Variants in GRM4 observed in about 807,000 individuals in gnomAD.
The protein encoded by GRM4 is metabotropic glutamate receptor 4.
Under a neutral mutation model 81.7 loss-of-function variants are expected in GRM4, and 28 were observed. The ratio of observed to expected loss-of-function variants is 0.34; its 90% CI spans 0.25 to 0.47. The LOEUF is 0.47. GRM4 is among the 20% of genes least tolerant of loss of function. The pLI is 1.00. For synonymous variants in GRM4, 488 were observed against 528.8 expected, an observed-to-expected ratio of 0.92 and a Z score of 1.06; for missense variants, 948 against 1,290.0, an observed-to-expected ratio of 0.73 and a Z score of 4.06.
intron 8 of GRM4, among the ~76,000 whole-genome samples, chr6:34,038,107 C>T (rs1374884641): frequency 1.3e-5 from 2 of 152,200 alleles, no homozygotes; most frequent in East Asian, 3.9e-4. Context: ...AAAGACCCTT[C>T]CCCAGAGGAC....
intron 2 of GRM4, among the ~76,000 whole-genome samples, chr6:34,127,846 G>A (rs1173019677): frequency 6.6e-6 from 1 of 152,198 alleles, no homozygotes; most frequent in Non-Finnish European, 1.5e-5. Context: ...AGTTCCTCCT[G>A]GCTGTGTAGT....
intron 3 of GRM4, among the ~76,000 whole-genome samples, chr6:34,084,187 G>A (rs1561801086): frequency 6.6e-6 from 1 of 152,378 alleles, no homozygotes; most frequent in East Asian, 1.9e-4. Context: ...GAGGCGGGCT[G>A]CTGTACCCAC....
upstream of GRM4, among the ~76,000 whole-genome samples, chr6:34,150,542 C>T (rs1309797040): frequency 1.3e-5 from 2 of 152,096 alleles, no homozygotes; most frequent in Non-Finnish European, 2.9e-5. Flanking sequence ...ACGAGTGGTC[C>T]AAGGTCAACT....
At chr6:34,097,051 G>A (rs182844911) in intron 2 of GRM4, among the ~76,000 whole-genome samples, 52 of 152,252 alleles carry the variant, frequency 3.4e-4, no homozygotes, top group African/African-American at 1.2e-3. Flanking sequence ...GAACACCCAC[G>A]GCCTCCAGGC....
chr6:34,128,846 C>T (rs962561217), intron 2 of GRM4, among the ~76,000 whole-genome samples: 3 of 152,120 alleles, frequency 2.0e-5, no homozygotes, highest in South Asian at 2.1e-4. Context: ...TGCTGTGCAG[C>T]GCCCCCTTCT....
At chr6:34,031,951 G>GCTCT (rs61457652) in intron 9 of GRM4, among the ~76,000 whole-genome samples, 4 of 148,874 alleles carry the variant, frequency 2.7e-5, no homozygotes, top group South Asian at 2.1e-4. Context: ...ACTCAGCTGG[G>GCTCT]CTCTCTCTCT....
chr6:34,044,801 T>G (rs960783406), intron 6 of GRM4, among the ~76,000 whole-genome samples: 1 of 141,978 alleles, frequency 7.0e-6, no homozygotes, highest in African/African-American at 2.7e-5. Context: ...CATACATACA[T>G]ACACATATAT....
chr6:34,073,027 C>CCA (rs1197759800), intron 3 of GRM4, among the ~76,000 whole-genome samples: 11 of 3,822 alleles, frequency 2.9e-3, no homozygotes, highest in African/African-American at 0.011. Flanking sequence ...ACACACATCA[C>CCA]CACAGATACA....
intron 2 of GRM4, among the ~76,000 whole-genome samples, chr6:34,101,245 A>G (rs2127493867): frequency 6.6e-6 from 1 of 152,288 alleles, no homozygotes; most frequent in Non-Finnish European, 1.5e-5. Context: ...AACTGTCCTA[A>G]GTAGCTTCAT....
In GRM4 at chr6:34,061,749, A is replaced by G. The variant is rs979163443; in HGVS notation, c.872+144T>C. 9 of 793,970 alleles carry G rather than the reference A, an allele frequency of 1.1e-5. No homozygotes were observed. In the Admixed American group the frequency reaches 1.8e-4, roughly 16 times the overall value. 49.2% of individuals were successfully genotyped at this position (793,970 alleles called of 1,614,324 possible). ...CTCTAGCCTGTGGGTCTCCCTGCCC[A>G]CATACCCACTCACCAGCACCCACCT... On this transcript the variant is annotated intron_variant, in intron 4 of 10. Transcript: ENST00000538487.
At chr6:34,149,463 G>A (rs1376936031), upstream of GRM4, among the ~76,000 whole-genome samples, 1 of 152,202 alleles carries the variant, frequency 6.6e-6, no homozygotes, top group African/African-American at 2.4e-5. Flanking sequence ...GAATGCAGTG[G>A]CCCCAGGCTC....
intron 3 of GRM4, 160 bp from the exon 4 acceptor site, chr6:34,062,188 G>A (rs532165172): frequency 1.5e-6 from 1 of 664,826 alleles, no homozygotes; most frequent in Non-Finnish European, 2.4e-6. Context: ...GGGCTGTGCA[G>A]TCAGGACAGC....
Position 34,044,093 on chromosome 6 carries a change from T to C in GRM4, c.1169-3345A>G, listed in dbSNP as rs932179172. Among the ~76,000 whole-genome samples, 133 of 130,108 alleles carry C rather than the reference T, an allele frequency of 1.0e-3. 2 individuals carry two copies. The highest frequency in any genetic ancestry group is 1.2e-3 in the Non-Finnish European group (71 of 60,332). The allele number at this position is 130,108 out of a possible 152,430, so 85.4% of individuals were successfully genotyped here. ...ATATACACAGACACACACACACACA[T>C]AGACATACATACACATATATACACA... is the stretch of plus-strand genomic sequence containing the variant. On this transcript the variant is annotated intron_variant, in intron 6 of 10. Transcript: ENST00000538487.
intron 2 of GRM4, among the ~76,000 whole-genome samples, chr6:34,099,812 C>T (rs1258446522): frequency 6.6e-6 from 1 of 152,158 alleles, no homozygotes; most frequent in East Asian, 1.9e-4. Context: ...TTGGGAGGAG[C>T]AGGATAGGCC....
Position 34,089,246 on chromosome 6 carries a change from T to C in GRM4, c.736+2637A>G, listed in dbSNP as rs1459535434. ...CTCACAGATGATTTATACTTCAGAGTACGAATCAATACAATATACGGCCAA... is the reference window on the plus strand; with the variant it reads ...CTCACAGATGATTTATACTTCAGAGCACGAATCAATACAATATACGGCCAA... On this transcript the variant is annotated intron_variant, in intron 3 of 10. Transcript: ENST00000538487. This position sits in a 1 kb window ranked among gnomAD's most constrained non-coding sequence, Gnocchi z 4.3. 4.6e-5 allele frequency among the ~76,000 whole-genome samples: 7 copies of C among 151,994 alleles called. No individual in the cohort carries two copies. The highest frequency in any genetic ancestry group is 1.7e-4 in the African/African-American group (7 of 41,332).
chr6:34,074,125 G>A lies in GRM4; in HGVS notation c.737-12097C>T, dbSNP rs1419705446. Among the ~76,000 whole-genome samples, 5 of 151,736 alleles carry A rather than the reference G, an allele frequency of 3.3e-5. No homozygotes were observed. The highest frequency in any genetic ancestry group is 2.0e-4 in the Admixed American group (3 of 15,262). On this transcript the variant is annotated intron_variant, in intron 3 of 10. Coordinates refer to ENST00000538487, the MANE Select transcript of GRM4 (RefSeq NM_000841.4). The surrounding 1 kb of genome is among the most constrained non-coding windows in gnomAD (Gnocchi z 4.9). ...CTGGATCTCGAGGTGCAGGGGCGCC[G>A]ATGGGGAAGAAGAGGGGGACACAGA...
chr6:34,051,972 T>C (rs938021769), intron 6 of GRM4, among the ~76,000 whole-genome samples: 10 of 152,180 alleles, frequency 6.6e-5, no homozygotes, highest in African/African-American at 2.2e-4. Flanking sequence ...AGGACTCTAA[T>C]AGCCGTATGC....
At position 34,092,289 on chromosome 6, in the gene GRM4, C is replaced by T. The variant is rs1768275584; in HGVS notation, c.520-190G>A. On this transcript the variant is annotated intron_variant, in intron 2 of 10. Transcript: ENST00000538487. This position sits in a 1 kb window ranked among gnomAD's most constrained non-coding sequence, Gnocchi z 6.8. ...CCGGCCTCCCTGGGGTCCCCAAAGA[C>T]ACCCCAACCACACACAGATACACAC... Among the ~76,000 whole-genome samples, 1 of 152,162 alleles carries T rather than the reference C, an allele frequency of 6.6e-6. No homozygotes were observed. Among genetic ancestry groups the T allele is most frequent in the African/African-American group, 2.4e-5 (1 of 41,414 alleles).
At chr6:34,147,632 G>A (rs1375261882), upstream of GRM4, among the ~76,000 whole-genome samples, 2 of 152,208 alleles carry the variant, frequency 1.3e-5, no homozygotes, top group African/African-American at 2.4e-5. Flanking sequence ...CCCAGTTGAG[G>A]GGGCTCAGGA....
Sources: gnomAD v4.1 joint callset for allele counts (sites outside exome capture counted in the v4.1 genomes callset) on GRCh38, gnomAD v4.1.1 for gene constraint, Gnocchi (gnomAD v3.1) non-coding constraint, MANE v1.5 for transcripts, NCBI Gene and HGNC (gene_info 2026-07-23, HGNC 2026-07-21) for gene names.